Variants in PHLDB2 observed in about 807,000 individuals in gnomAD.
PHLDB2 encodes the protein pleckstrin homology like domain family B member 2.
PHLDB2 carries 71 observed loss-of-function variants against 123.6 expected under a neutral mutation model. The ratio of observed to expected loss-of-function variants is 0.57; its 90% CI spans 0.47 to 0.70. The LOEUF (loss-of-function observed/expected upper bound fraction) is 0.70, where lower values mean the gene tolerates loss of function less well. Among genes scored for constraint, PHLDB2 ranks in the 30% least tolerant of loss-of-function variants. The pLI is 0.00. For synonymous variants in PHLDB2, 547 were observed against 541.6 expected (o/e 1.01, Z -0.14); for missense variants, 1,446 against 1,519.5 (o/e 0.95, Z 0.80).
chr3:111,909,011 C>T (rs1357391852), intron 2 of PHLDB2, among the ~76,000 whole-genome samples: 1 of 152,116 alleles, frequency 6.6e-6, no homozygotes, highest in African/African-American at 2.4e-5. Context: ...TACCTCATTC[C>T]TCTTCCCCCA....
intron 1 of PHLDB2, among the ~76,000 whole-genome samples, chr3:111,815,603 C>T (rs916104739): frequency 6.6e-6 from 1 of 151,956 alleles, no homozygotes; most frequent in East Asian, 1.9e-4. Context: ...GGTATCTGGC[C>T]GAAGAAATTT....
intron 6 of PHLDB2, among the ~76,000 whole-genome samples, chr3:111,935,535 A>ATAGATAGATAGATC (rs1553752031): frequency 4.6e-5 from 7 of 152,054 alleles, no homozygotes; most frequent in African/African-American, 1.4e-4. Context: ...AGATAGATAG[A>ATAGATAGATAGATC]TAGATAGAAG....
chr3:111,947,703 T>C (rs907432674), intron 9 of PHLDB2, among the ~76,000 whole-genome samples: 1 of 152,224 alleles, frequency 6.6e-6, no homozygotes, highest in Non-Finnish European at 1.5e-5. Flanking sequence ...CTTGACCTAG[T>C]TGACTACTTC....
At chr3:111,940,348 A>G (rs2069789961) in intron 7 of PHLDB2, among the ~76,000 whole-genome samples, 187 bp from the exon 8 acceptor site, 1 of 152,250 alleles carries the variant, frequency 6.6e-6, no homozygotes, top group Admixed American at 6.5e-5. Context: ...CAGTAAAGAA[A>G]GTATTGAGGC....
intron 1 of PHLDB2, among the ~76,000 whole-genome samples, chr3:111,783,168 A>C (rs1488251483): frequency 2.0e-5 from 3 of 152,112 alleles, no homozygotes; most frequent in African/African-American, 7.2e-5. Context: ...TGGCTTCAGC[A>C]TCAAGGTCAT....
chr3:111,962,083 A>C (rs754394185), intron 12 of PHLDB2, 25 bp from the exon 13 acceptor site: 1 of 1,573,804 alleles, frequency 6.4e-7, no homozygotes, highest in Admixed American at 2.1e-5. Context: ...GAGGCAAACT[A>C]ACATATTTAT....
chr3:111,920,763 C>T (rs904071584), intron 5 of PHLDB2, among the ~76,000 whole-genome samples: 3 of 152,124 alleles, frequency 2.0e-5, no homozygotes, highest in Non-Finnish European at 4.4e-5. Flanking sequence ...CTTTAGTATA[C>T]TGAAGTTCTT....
intron 1 of PHLDB2, among the ~76,000 whole-genome samples, chr3:111,825,737 C>T (rs1333495334): frequency 2.0e-5 from 3 of 152,186 alleles, no homozygotes; most frequent in Non-Finnish European, 4.4e-5. Context: ...GGTGAGCCAC[C>T]TCACCATGCC....
Position 111,866,269 on chromosome 3 carries a change from C to T in PHLDB2, c.-15+6693C>T, listed in dbSNP as rs540407247. Among the ~76,000 whole-genome samples, 5 of 152,104 alleles carry T rather than the reference C, an allele frequency of 3.3e-5. No homozygotes were observed. In the South Asian group the frequency reaches 8.3e-4, roughly 25 times the overall value. The stretch of plus-strand genomic sequence containing the variant: ...CTGACCTTTGGTGATCTGCCCACCT[C>T]AGCATCACAGAGTGCTGGAATTACA... On this transcript the variant is annotated intron_variant, in intron 1 of 17. Coordinates refer to ENST00000431670, the MANE Select transcript of PHLDB2 (RefSeq NM_001134438.2).
chr3:111,949,141 A>G (rs905629970), intron 10 of PHLDB2, 66 bp downstream of exon 10: 10 of 1,569,842 alleles, frequency 6.4e-6, no homozygotes, highest in East Asian at 2.3e-5. Context: ...CCCACGGCCA[A>G]CTGAAAATGA....
chr3:111,787,722 A>G (rs1488188613), intron 1 of PHLDB2, among the ~76,000 whole-genome samples: 11 of 152,106 alleles, frequency 7.2e-5, no homozygotes, highest in Admixed American at 5.9e-4. Context: ...CATGGGAGAT[A>G]GGGGAGGCAT....
At chr3:111,896,360 C>A (rs71616129) in intron 2 of PHLDB2, among the ~76,000 whole-genome samples, 91,003 of 148,340 alleles carry the variant, frequency 0.61, 28,226 homozygotes, top group East Asian at 0.94. Flanking sequence ...CTTCCCCCGC[C>A]CCGAGACGGA....
intron 2 of PHLDB2, among the ~76,000 whole-genome samples, chr3:111,899,632 A>T (rs924185181): frequency 1.3e-5 from 2 of 152,138 alleles, no homozygotes; most frequent in African/African-American, 4.8e-5. Context: ...GTCAATGAGC[A>T]TTGGTTTCAA....
At chr3:111,830,951 GAAAGAGAAAGAAAGAAAGAAA>G (rs2062945057) in intron 1 of PHLDB2, among the ~76,000 whole-genome samples, 2 of 109,720 alleles carry the variant, frequency 1.8e-5, no homozygotes, top group African/African-American at 6.0e-5. Flanking sequence ...AGGAAAGAAA[GAAAGAGAAAGAAAGAAAGAAA>G]GAAAGAAAGA....
intron 13 of PHLDB2, among the ~76,000 whole-genome samples, chr3:111,966,022 A>G (rs1019456304): frequency 1.3e-5 from 2 of 152,154 alleles, no homozygotes; most frequent in African/African-American, 2.4e-5. Context: ...ACTGGCCACT[A>G]TCCATCCATT....
At chr3:111,782,708 T>C (rs2060527425) in intron 1 of PHLDB2, among the ~76,000 whole-genome samples, 1 of 152,100 alleles carries the variant, frequency 6.6e-6, no homozygotes, top group Non-Finnish European at 1.5e-5. Flanking sequence ...CAGGCACAGC[T>C]TAGGAATTGT....
chr3:111,884,651 C>T lies in PHLDB2; in HGVS notation c.574C>T (p.Pro192Ser). The T allele has an allele frequency of 6.2e-7, 1 of 1,614,178 alleles. No individual in the cohort carries two copies. The highest frequency in any genetic ancestry group is 1.3e-5 in the African/African-American group (1 of 75,058). The change falls in exon 2 of 18, where the codon CCT becomes TCT. Residue 192 changes from proline (P) to serine (S), a missense_variant. Physicochemically the swap from Pro to Ser is moderately conservative, Grantham distance 74 (BLOSUM62 -1). Around this residue, in one of 3 missense-constraint regions of PHLDB2, gnomAD observed 832 missense variants for 831.9 expected, o/e 1.00. Transcript: ENST00000431670. ...GSSLSDAGPP[P>S]ISRSGAASMP... ...TTCCCTGAGTGATGCTGGCCCGCCT[C>T]CTATCAGCAGATCGGGAGCCGCAAG...
chr3:111,864,109 A>G (rs2064958292), intron 1 of PHLDB2, among the ~76,000 whole-genome samples: 1 of 152,192 alleles, frequency 6.6e-6, no homozygotes, highest in African/African-American at 2.4e-5. Context: ...CAAAGGGTGC[A>G]CCTCAAAGCC....
chr3:111,889,470 G>T (rs527529307), intron 2 of PHLDB2, among the ~76,000 whole-genome samples: 1 of 152,220 alleles, frequency 6.6e-6, no homozygotes, highest in South Asian at 2.1e-4. Context: ...GGGAGGCCAA[G>T]GTGGGAGGAT....
Sources: gnomAD v4.1 joint callset for allele counts (sites outside exome capture counted in the v4.1 genomes callset) on GRCh38, gnomAD v4.1.1 for gene constraint, gnomAD v4.1.1 regional missense constraint, MANE v1.5 for transcripts, NCBI Gene and HGNC (gene_info 2026-07-23, HGNC 2026-07-21) for gene names.